Variants in LHX8 observed in about 807,000 individuals in gnomAD.
The protein encoded by LHX8 is LIM homeobox 8.
Under a neutral mutation model 40.3 loss-of-function variants are expected in LHX8, and 12 were observed. The observed-to-expected ratio is 0.30, with a 90% confidence interval of 0.19 to 0.48. The LOEUF is 0.48. Among genes scored for constraint, LHX8 ranks in the 20% least tolerant of loss-of-function variants. The probability of loss-of-function intolerance (pLI) is 0.99; values close to 1 mark genes in which losing one functional copy is unlikely to be tolerated. For missense variants in LHX8, 344 were observed against 433.7 expected (o/e 0.79, Z 1.84); for synonymous variants, 179 against 162.0 (o/e 1.10, Z -0.80).
the LHX8 span, among the ~76,000 whole-genome samples, chr1:75,182,625 G>A: frequency 1.3e-5 from 2 of 152,002 alleles, no homozygotes; most frequent in African/African-American, 2.4e-5. Context: ...TGCCCACCTC[G>A]GCCTCCCAAA....
the LHX8 span, among the ~76,000 whole-genome samples, chr1:75,167,284 G>T: frequency 6.6e-6 from 1 of 152,190 alleles, no homozygotes; most frequent in South Asian, 2.1e-4. Context: ...ATGCAAAATG[G>T]ACTAATAATA....
intron 7 of LHX8, 31 bp downstream of exon 7, chr1:75,148,713 G>A (rs1557491105): frequency 1.4e-6 from 2 of 1,454,294 alleles, no homozygotes; most frequent in Non-Finnish European, 9.6e-7. Context: ...TTTTTTTAAG[G>A]TTTTTAAAAA....
Position 75,157,429 on chromosome 1 carries a change from A to G in LHX8, c.964+353A>G, listed in dbSNP as rs543994190. On this transcript the variant is annotated intron_variant, in intron 8 of 8. Coordinates refer to ENST00000356261, the MANE Select transcript of LHX8 (RefSeq NM_001256114.2). ...TCAGATCTTTAGATGGGAGTTTAAT[A>G]AGTTTTGTTAAAGAGTTGTTTTTTA... Among the ~76,000 whole-genome samples the G allele has an allele frequency of 5.9e-5, 9 of 152,322 alleles. No individual in the cohort carries two copies. In the South Asian group the frequency reaches 1.9e-3, roughly 32 times the overall value.
chr1:75,189,295 C>T, the LHX8 span, among the ~76,000 whole-genome samples: 1 of 152,152 alleles, frequency 6.6e-6, no homozygotes, highest in African/African-American at 2.4e-5. Flanking sequence ...TTACTTTCCC[C>T]TTGTTTTCTT....
the LHX8 span, among the ~76,000 whole-genome samples, chr1:75,196,285 C>T: frequency 1.3e-5 from 2 of 152,058 alleles, no homozygotes; most frequent in African/African-American, 4.8e-5. Context: ...ATCAAGTGAT[C>T]AATTCCAGGT....
In LHX8 at chr1:75,157,047, T is replaced by C; in HGVS notation, c.935T>C (p.Met312Thr). ...YSAYVPQDGT[M>T]LTALHSYMDA... ...GCCTACGTGCCCCAAGATGGAACGA[T>C]GTTAACTGCGCTGCATAGTTATATG... The change falls in exon 8 of 9, where the codon ATG becomes ACG. Residue 312 changes from methionine to threonine, a missense_variant. Coordinates refer to ENST00000356261, the MANE Select transcript of LHX8 (RefSeq NM_001256114.2). 1 of 1,614,176 alleles carries C rather than the reference T, an allele frequency of 6.2e-7. No individual in the cohort carries two copies. Among genetic ancestry groups the C allele is most frequent in the Non-Finnish European group, 8.5e-7 (1 of 1,180,028 alleles).
chr1:75,173,415 G>A, the LHX8 span, among the ~76,000 whole-genome samples: 11 of 114,748 alleles, frequency 9.6e-5, no homozygotes, highest in South Asian at 1.4e-3. Flanking sequence ...ACGGAATCTC[G>A]TTCTGTCGCC....
intron 8 of LHX8, 139 bp from the exon 9 acceptor site, chr1:75,160,680 G>T (rs1570308861): frequency 1.4e-6 from 1 of 715,342 alleles, no homozygotes; most frequent in East Asian, 2.6e-5. Flanking sequence ...CTTCTGCTGA[G>T]GTCAGTGGAA....
At chr1:75,178,499 C>A in the LHX8 span, among the ~76,000 whole-genome samples, 1 of 152,064 alleles carries the variant, frequency 6.6e-6, no homozygotes, top group Non-Finnish European at 1.5e-5. Flanking sequence ...GTTTGTATTT[C>A]TGTGGGATCA....
At chr1:75,144,912 G>T (rs926757058) in intron 6 of LHX8, among the ~76,000 whole-genome samples, 1 of 152,082 alleles carries the variant, frequency 6.6e-6, no homozygotes, top group Non-Finnish European at 1.5e-5. Flanking sequence ...ATTTAAGATG[G>T]ATACAAGTGT....
intron 3 of LHX8, among the ~76,000 whole-genome samples, chr1:75,138,678 A>G (rs1000178763): frequency 2.6e-5 from 4 of 152,188 alleles, no homozygotes; most frequent in South Asian, 2.1e-4. Flanking sequence ...GAGTAGACCT[A>G]TGAAGGCTCT....
the LHX8 span, chr1:75,183,025 T>G: frequency 5.3e-5 from 8 of 152,176 alleles, no homozygotes; most frequent in Non-Finnish European, 8.8e-5. Context: ...GCCTTGCTGT[T>G]ATTACAAAAC....
intron 1 of LHX8, among the ~76,000 whole-genome samples, chr1:75,135,460 C>T (rs729833): frequency 0.17 from 25,685 of 152,202 alleles, 2,627 homozygotes; most frequent in Middle Eastern, 0.24. Context: ...TACGCTGGGT[C>T]CCGCGTAGGG....
the LHX8 span, among the ~76,000 whole-genome samples, chr1:75,178,841 T>G: frequency 6.6e-6 from 1 of 152,250 alleles, no homozygotes; most frequent in Admixed American, 6.5e-5. Context: ...CACACTGCTT[T>G]AAATTTCTCC....
At chr1:75,171,749 A>G in the LHX8 span, among the ~76,000 whole-genome samples, 1 of 152,206 alleles carries the variant, frequency 6.6e-6, no homozygotes, top group African/African-American at 2.4e-5. Context: ...TCCAGGTTTC[A>G]GACGATGACT....
At chr1:75,164,384 G>A (rs1648989822), downstream of LHX8, among the ~76,000 whole-genome samples, 1 of 152,082 alleles carries the variant, frequency 6.6e-6, no homozygotes, top group Non-Finnish European at 1.5e-5. Flanking sequence ...TAACCACTAT[G>A]CTATACTATT....
upstream of LHX8, chr1:75,130,764 T>A: frequency 6.2e-7 from 1 of 1,608,262 alleles, no homozygotes; most frequent in South Asian, 1.1e-5. Flanking sequence ...CTAGAAGCAA[T>A]CTCCTAAAGT....
chr1:75,182,517 G>A, the LHX8 span, among the ~76,000 whole-genome samples: 1 of 151,986 alleles, frequency 6.6e-6, no homozygotes, highest in Non-Finnish European at 1.5e-5. Context: ...GGGATTACAG[G>A]CATGTGCCAC....
chr1:75,156,996 C>T lies in LHX8; in HGVS notation c.884C>T (p.Pro295Leu), dbSNP rs866435964. Residue 295 changes from proline to leucine, a missense_variant, in exon 8 of 9, where the codon CCC becomes CTC. By Grantham distance (98) the Pro-to-Leu change is moderately conservative (BLOSUM62 -3). Transcript: ENST00000356261. ...TAVPPSRLSPPMLEEMAYSAY... is the reference protein window; with the variant it reads ...TAVPPSRLSPLMLEEMAYSAY... ...GTCCCACCCTCCAGGCTGTCTCCAC[C>T]CATGTTAGAAGAAATGGCTTATTCT... is the stretch of plus-strand genomic sequence containing the variant. The T allele has an allele frequency of 1.9e-6, 3 of 1,614,164 alleles. No individual in the cohort carries two copies. Among genetic ancestry groups the T allele is most frequent in the Middle Eastern group, 1.6e-4 (1 of 6,062 alleles).
Sources: allele counts gnomAD v4.1 joint callset (sites outside exome capture counted in the v4.1 genomes callset), GRCh38; gene constraint gnomAD v4.1.1; transcripts MANE v1.5; gene names NCBI Gene and HGNC (gene_info 2026-07-23, HGNC 2026-07-21).